The following ABCC3 variants were observed in gnomAD, a reference collection of about 807,000 sequenced individuals.
ABCC3 encodes the protein ATP-binding cassette sub-family C member 3.
Under a neutral mutation model 165.3 loss-of-function variants are expected in ABCC3, and 121 were observed. That is an observed-to-expected ratio of 0.73 (90% confidence interval 0.63 to 0.85). The LOEUF (loss-of-function observed/expected upper bound fraction) is 0.85. Among genes scored for constraint, ABCC3 ranks in the 40% least tolerant of loss-of-function variants. ABCC3 has a pLI of 0.00. For synonymous variants in ABCC3, 733 were observed against 810.1 expected, an observed-to-expected ratio of 0.90 and a Z score of 1.62; for missense variants, 1,869 against 1,964.1, an observed-to-expected ratio of 0.95 and a Z score of 0.92.
At position 50,679,920 on chromosome 17, in the gene ABCC3, G is replaced by A. The variant is rs201257396; in HGVS notation, c.3807+21G>A. ...CAGAGGTGGGTACTGGCATGAGCCCGGGACAGGGGGAATCTGAAGTAGCTG... is the reference window on the plus strand; with the variant it reads ...CAGAGGTGGGTACTGGCATGAGCCCAGGACAGGGGGAATCTGAAGTAGCTG... On this transcript the variant is annotated intron_variant, in intron 26 of 30. Transcript: ENST00000285238. 21 of 1,592,482 alleles carry A rather than the reference G, an allele frequency of 1.3e-5. No individual in the cohort carries two copies. The East Asian group carries it at 2.2e-4, about 17-fold the overall frequency.
intron 1 of ABCC3, among the ~76,000 whole-genome samples, chr17:50,654,936 A>AT (rs1397923730): frequency 4.3e-4 from 44 of 102,462 alleles, no homozygotes; most frequent in African/African-American, 1.3e-3. Flanking sequence ...TATTAAAAAT[A>AT]CAAAAAAAAA....
intron 26 of ABCC3, 63 bp downstream of exon 26, chr17:50,679,962 G>A: frequency 7.4e-7 from 1 of 1,359,578 alleles, no homozygotes; most frequent in Admixed American, 1.8e-5. Flanking sequence ...AAAGCTTGGT[G>A]GCTCTCTCTC....
chr17:50,679,508 C>T (rs1246942871), intron 25 of ABCC3: 3 of 220,104 alleles, frequency 1.4e-5, no homozygotes, highest in Admixed American at 5.5e-5. Context: ...CAGAATCCGG[C>T]GTTGCATTTT....
chr17:50,662,655 A>G (rs1440299967), intron 8 of ABCC3, among the ~76,000 whole-genome samples: 62 of 147,862 alleles, frequency 4.2e-4, no homozygotes, highest in African/African-American at 1.2e-3. Flanking sequence ...AAAAAAAAAA[A>G]AAAGAGAGAG....
Position 50,691,386 on chromosome 17 carries a change from G to C in ABCC3, c.*186G>C. The C allele has an allele frequency of 1.8e-6, 1 of 554,690 alleles. No homozygotes were observed. Among genetic ancestry groups the C allele is most frequent in the South Asian group, 2.0e-5 (1 of 49,648 alleles). 34.4% of individuals were successfully genotyped at this position (554,690 alleles called of 1,614,324 possible). A position where few individuals can be genotyped will look rare whatever the true frequency, so the allele number is the denominator to read the frequency against. On this transcript the variant is annotated 3_prime_UTR_variant, in exon 31 of 31. Transcript: ENST00000285238. ...GATGAGGAAATGATCCCCAAGTGGT[G>C]AATGACACGCCTAAGGTCACAGCTA... is the stretch of plus-strand genomic sequence containing the variant.
chr17:50,641,841 T>C (rs73344350), intron 1 of ABCC3, among the ~76,000 whole-genome samples: 3,629 of 152,010 alleles, frequency 0.024, 159 homozygotes, highest in African/African-American at 0.083. Context: ...AGCCCAGAAG[T>C]TCGAGACCAG....
chr17:50,691,138 G>A lies in ABCC3; in HGVS notation c.4522G>A (p.Ala1508Thr). 4 of 1,614,174 alleles carry A rather than the reference G, an allele frequency of 2.5e-6. No homozygotes were observed. The South Asian group carries it at 4.4e-5, about 18-fold the overall frequency. ...KGVVAEFDSPANLIAARGIFY... is the reference protein window; with the variant it reads ...KGVVAEFDSPTNLIAARGIFY... ...AGTAGTAGCTGAATTTGATTCTCCA[G>A]CCAACCTCATTGCAGCTAGAGGCAT... The change falls in exon 31 of 31, where the codon GCC becomes ACC. Residue 1508 changes from alanine (A) to threonine (T), a missense_variant. Ala to Thr is a moderately conservative substitution (Grantham distance 58). Coordinates refer to ENST00000285238, the MANE Select transcript of ABCC3 (RefSeq NM_003786.4).
At chr17:50,673,355 C>A in intron 18 of ABCC3, 114 bp from the exon 19 acceptor site, 1 of 1,385,248 alleles carries the variant, frequency 7.2e-7, no homozygotes, top group Non-Finnish European at 9.9e-7. Flanking sequence ...ACCCATGTGC[C>A]TGTCCAAGCT....
intron 23 of ABCC3, 27 bp downstream of exon 23, chr17:50,676,615 G>T (rs11568595): frequency 5.0e-5 from 79 of 1,575,874 alleles, no homozygotes; most frequent in Non-Finnish European, 6.4e-5. Context: ...ATTCCAGTGT[G>T]GGCGTGGTGT....
rs147484871 is a variant in ABCC3 at position 50,655,848 on chromosome 17, T to G, written c.62T>G (p.Val21Gly). The G allele has an allele frequency of 6.2e-7, 1 of 1,614,044 alleles. No homozygotes were observed. Among genetic ancestry groups the G allele is most frequent in the South Asian group, 1.1e-5 (1 of 91,070 alleles). ...TGTCCCCAGGACTCCAACCTGTCTG[T>G]GCACACAGAAAACCCGGACCTCACT... Reference protein sequence around the residue: ...GSKFWDSNLSVHTENPDLTPC... With the variant: ...GSKFWDSNLSGHTENPDLTPC... Residue 21 changes from valine (V) to glycine (G), a missense_variant, in exon 2 of 31, where the codon GTG becomes GGG. Physicochemically the swap from Val to Gly is moderately radical, Grantham distance 109 (BLOSUM62 -3). Coordinates refer to ENST00000285238, the MANE Select transcript of ABCC3 (RefSeq NM_003786.4).
At position 50,663,791 on chromosome 17, in the gene ABCC3, A is replaced by G. The variant is rs752627381; in HGVS notation, c.1109A>G (p.Tyr370Cys). 37 of 1,613,992 alleles carry G rather than the reference A, an allele frequency of 2.3e-5. No individual in the cohort carries two copies. In the Admixed American group the frequency reaches 5.8e-4, roughly 25 times the overall value. Reference sequence around the variant, plus strand: ...ATGCAGTCGCTGATCTTACAACACTATTACCACTACATCTTTGTGACTGGG... The same window carrying G: ...ATGCAGTCGCTGATCTTACAACACTGTTACCACTACATCTTTGTGACTGGG... ...SMMQSLILQH[Y>C]YHYIFVTGVK... The change falls in exon 9 of 31, where the codon TAT becomes TGT. Residue 370 changes from tyrosine (Y) to cysteine (C), a missense_variant. By Grantham distance (194) the Tyr-to-Cys change is radical (BLOSUM62 -2). Coordinates refer to ENST00000285238, the MANE Select transcript of ABCC3 (RefSeq NM_003786.4).
chr17:50,654,431 C>T (rs1378418777), intron 1 of ABCC3, among the ~76,000 whole-genome samples: 1 of 152,174 alleles, frequency 6.6e-6, no homozygotes, highest in Non-Finnish European at 1.5e-5. Context: ...TAGTTATAGT[C>T]AAAGGTAAGA....
intron 26 of ABCC3, among the ~76,000 whole-genome samples, chr17:50,681,184 G>A (rs1460966459): frequency 6.6e-6 from 1 of 151,910 alleles, no homozygotes; most frequent in Non-Finnish European, 1.5e-5. Flanking sequence ...ATGTTCTCAC[G>A]TTCAGAAAGA....
intron 19 of ABCC3, among the ~76,000 whole-genome samples, 145 bp from the exon 20 acceptor site, chr17:50,675,194 TTTTCTTGTTGCTTAACCCAAGTC>T (rs1266492016): frequency 6.6e-6 from 1 of 152,172 alleles, no homozygotes; most frequent in East Asian, 1.9e-4. Flanking sequence ...TGAAGAGAGT[TTTTCTTGTTGCTTAACCCAAGTC>T]TTTCTTGTTG....
rs371556892 is a variant in ABCC3, at chr17:50,683,761, G to C, written c.3954+5G>C. On this transcript the variant is annotated splice_donor_5th_base_variant and intron_variant, in intron 27 of 30. Transcript: ENST00000285238. ...CATGTGCACGGTGGCGAGAAGGTAC[G>C]CGTGGGGTAGGCGGGCCTGCGTGTG... is the stretch of plus-strand genomic sequence containing the variant. 4 of 1,603,108 alleles carry C rather than the reference G, an allele frequency of 2.5e-6. 1 individual carries two copies. The African/African-American group carries it at 4.0e-5, about 16-fold the overall frequency.
At chr17:50,677,716 G>A in intron 23 of ABCC3, 28 bp from the exon 24 acceptor site, 1 of 1,608,202 alleles carries the variant, frequency 6.2e-7, no homozygotes, top group Non-Finnish European at 8.5e-7. Context: ...CCATGGCCCT[G>A]ACCCCAAACT....
intron 23 of ABCC3, among the ~76,000 whole-genome samples, chr17:50,676,894 G>C (rs995119439): frequency 4.0e-5 from 6 of 150,848 alleles, no homozygotes; most frequent in South Asian, 2.1e-4. Flanking sequence ...TTTGGGGGGG[G>C]GGGGACGGAA....
At chr17:50,663,570 T>A in intron 8 of ABCC3, 111 bp from the exon 9 acceptor site, 3 of 1,318,902 alleles carry the variant, frequency 2.3e-6, no homozygotes, top group Non-Finnish European at 3.1e-6. Context: ...GGGGTGGAGG[T>A]TTCAGAGGCC....
In ABCC3 at chr17:50,667,885, T is replaced by C; in HGVS notation, c.1658T>C (p.Val553Ala). 1 of 1,614,104 alleles carries C rather than the reference T, an allele frequency of 6.2e-7. No individual in the cohort carries two copies. Among genetic ancestry groups the C allele is most frequent in the Non-Finnish European group, 8.5e-7 (1 of 1,179,968 alleles). ...CAGGTGACCCTGATCACCCTCTGGG[T>C]GTACGTGTACGTGGACCCAAACAAT... Reference protein sequence around the residue: ...PFLVTLITLWVYVYVDPNNVL... With the variant: ...PFLVTLITLWAYVYVDPNNVL... The change falls in exon 13 of 31, where the codon GTG becomes GCG. Residue 553 changes from valine (V) to alanine (A), a missense_variant. Transcript: ENST00000285238.
Sources: allele counts gnomAD v4.1 joint callset (sites outside exome capture counted in the v4.1 genomes callset), GRCh38; gene constraint gnomAD v4.1.1; transcripts MANE v1.5; gene names NCBI Gene and HGNC (gene_info 2026-07-23, HGNC 2026-07-21).